REXO5: variants seen among roughly 807,000 people sequenced by gnomAD.
The protein encoded by REXO5 is exonuclease NEF-sp.
REXO5 carries 48 observed loss-of-function variants against 88.5 expected under a neutral mutation model. The observed-to-expected ratio is 0.54, with a 90% CI of 0.43 to 0.69. The LOEUF (loss-of-function observed/expected upper bound fraction) is 0.69. REXO5 is among the 30% of genes least tolerant of loss of function. The pLI, the probability that REXO5 is intolerant of heterozygous loss-of-function variation, is 0.00. For missense variants in REXO5, 749 were observed against 912.2 expected (o/e 0.82, Z 2.30); for synonymous variants, 311 against 336.5 (o/e 0.92, Z 0.83).
intron 13 of REXO5, 69 bp downstream of exon 13, chr16:20,833,192 G>T: frequency 6.8e-7 from 1 of 1,478,388 alleles, no homozygotes; most frequent in Non-Finnish European, 9.1e-7. Context: ...TTGCACCCAT[G>T]CCAGTGTCAA....
At chr16:20,823,621 G>T (rs1374468092) in intron 6 of REXO5, 1 of 152,070 alleles carries the variant, frequency 6.6e-6, no homozygotes, top group Non-Finnish European at 1.5e-5. Flanking sequence ...TTTTCATTGC[G>T]ATTAGTTGGA....
intron 13 of REXO5, among the ~76,000 whole-genome samples, chr16:20,838,483 A>G (rs1048728584): frequency 3.9e-5 from 6 of 152,152 alleles, no homozygotes; most frequent in African/African-American, 1.4e-4. Flanking sequence ...TGTTGTCTTT[A>G]CAGACTGCTT....
At position 20,825,817 on chromosome 16, in the gene REXO5, C is replaced by T. The variant is rs1475925464; in HGVS notation, c.706-16C>T. On this transcript the variant is annotated splice_polypyrimidine_tract_variant and intron_variant, in intron 7 of 19. Transcript: ENST00000261377. ...CTTCCACAGTTCAGCAGCCTGACTA[C>T]ATGTTGGTCTTTCAGTGCCTCACAT... 6.4e-7 allele frequency: 1 copy of T among 1,569,130 alleles called. No individual in the cohort carries two copies. Among genetic ancestry groups the T allele is most frequent in the South Asian group, 1.1e-5 (1 of 89,650 alleles).
intron 15 of REXO5, 98 bp downstream of exon 15, chr16:20,840,566 T>G (rs2081510937): frequency 2.7e-6 from 3 of 1,110,224 alleles, no homozygotes; most frequent in Non-Finnish European, 3.8e-6. Flanking sequence ...TAAAGTAAGC[T>G]TGATTGCTAC....
intron 18 of REXO5, 45 bp downstream of exon 18, chr16:20,845,286 G>A: frequency 6.5e-7 from 1 of 1,529,936 alleles, no homozygotes; most frequent in Non-Finnish European, 8.9e-7. Context: ...GGAGAGTCCT[G>A]CTCAGTGACA....
intron 14 of REXO5, 91 bp from the exon 15 acceptor site, chr16:20,840,240 A>G: frequency 4.3e-6 from 5 of 1,158,248 alleles, no homozygotes; most frequent in Non-Finnish European, 5.9e-6. Context: ...TATCAAAAAA[A>G]TCTTTGGTGA....
intron 9 of REXO5, 61 bp from the exon 10 acceptor site, chr16:20,827,292 A>G (rs573799982): frequency 3.1e-6 from 5 of 1,600,740 alleles, no homozygotes; most frequent in African/African-American, 2.7e-5. Flanking sequence ...CCACCCTGCT[A>G]GCCCACTTGT....
rs567534708 is a variant in REXO5, at chr16:20,812,568, G to T, written c.139-622G>T. Among the ~76,000 whole-genome samples, 5 of 152,156 alleles carry T rather than the reference G, an allele frequency of 3.3e-5. No individual in the cohort carries two copies. In the South Asian group the frequency reaches 1.0e-3, roughly 32 times the overall value. ...TATAAGTTCAAAGCCTTTTTAAAGG[G>T]GTTGGGAGCTTTGCTGAACTCTTGT... On this transcript the variant is annotated intron_variant, in intron 2 of 19. Coordinates refer to ENST00000261377, the MANE Select transcript of REXO5 (RefSeq NM_030941.3).
At chr16:20,832,285 G>A in intron 12 of REXO5, 26 bp downstream of exon 12, 3 of 1,460,386 alleles carry the variant, frequency 2.1e-6, no homozygotes, top group Non-Finnish European at 1.9e-6. Flanking sequence ...TGAAACAAGA[G>A]CAAAGACAAA....
At chr16:20,819,374 T>TCTTC (rs1286241427) in intron 5 of REXO5, among the ~76,000 whole-genome samples, 1 of 151,930 alleles carries the variant, frequency 6.6e-6, no homozygotes, top group African/African-American at 2.4e-5. Flanking sequence ...TTTCTTTCTT[T>TCTTC]CTTCATTTCT....
Position 20,846,339 on chromosome 16 carries a change from G to C in REXO5, c.2243G>C (p.Ser748Thr). The C allele has an allele frequency of 6.2e-7, 1 of 1,609,636 alleles. No homozygotes were observed. The highest frequency in any genetic ancestry group is 8.5e-7 in the Non-Finnish European group (1 of 1,175,990). ...CTCATCCTGCTGCCAGGAACCAAGA[G>C]GTAAGGACTAGAAAGGGTATCCCTT... ...LCLILLPGTK[S>T]THGSLSGLGL... Residue 748 changes from serine (S) to threonine (T), a missense_variant and splice_region_variant, in exon 19 of 20, where the codon AGC (serine) becomes ACC (threonine). Ser to Thr is a moderately conservative substitution (Grantham distance 58). Transcript: ENST00000261377.
chr16:20,839,391 A>C (rs2081490232), intron 13 of REXO5, among the ~76,000 whole-genome samples: 1 of 150,946 alleles, frequency 6.6e-6, no homozygotes, highest in African/African-American at 2.4e-5. Context: ...TTTTAACCAA[A>C]TCTATTAAGC....
chr16:20,824,783 G>A (rs964523994), intron 7 of REXO5, among the ~76,000 whole-genome samples: 1 of 152,160 alleles, frequency 6.6e-6, no homozygotes, highest in Non-Finnish European at 1.5e-5. Context: ...GCTGAGGCGG[G>A]TGGATCATGA....
At position 20,844,853 on chromosome 16, in the gene REXO5, T is replaced by G. The variant is rs1008748886; in HGVS notation, c.1936+8T>G. ...AAAAATACTGTTTCCTGAGTAAGTC[T>G]ATGCTACTGAATGTAGCTTTGGGGA... On this transcript the variant is annotated splice_region_variant and intron_variant, in intron 17 of 19. Coordinates refer to ENST00000261377, the MANE Select transcript of REXO5 (RefSeq NM_030941.3). 5 of 1,609,822 alleles carry G rather than the reference T, an allele frequency of 3.1e-6. No individual in the cohort carries two copies. In the Admixed American group the frequency reaches 5.0e-5, roughly 16 times the overall value.
At chr16:20,847,529 C>T (rs1315880284) in intron 19 of REXO5, among the ~76,000 whole-genome samples, 1 of 151,872 alleles carries the variant, frequency 6.6e-6, no homozygotes, top group Non-Finnish European at 1.5e-5. Flanking sequence ...AAATTCATTT[C>T]CTAGCATAAA....
rs149153488 is a variant in REXO5, at chr16:20,840,864, T to C, written c.1626+396T>C. On this transcript the variant is annotated intron_variant, in intron 15 of 19. Transcript: ENST00000261377. ...GTCAGTTTTCATATGTTGGCTCCCA[T>C]TTCTCAAATACCAGGCCATACGAAA... Among the ~76,000 whole-genome samples, 198 of 152,298 alleles carry C rather than the reference T, an allele frequency of 1.3e-3. 3 individuals are homozygous for C. The East Asian group carries it at 0.036, about 27-fold the overall frequency.
At chr16:20,839,027 A>G (rs1428150860) in intron 13 of REXO5, among the ~76,000 whole-genome samples, 1 of 152,162 alleles carries the variant, frequency 6.6e-6, no homozygotes, top group African/African-American at 2.4e-5. Flanking sequence ...TGGTCCGTAT[A>G]TTGTTGTTAA....
At chr16:20,815,091 T>G in intron 4 of REXO5, 38 bp downstream of exon 4, 2 of 1,589,082 alleles carry the variant, frequency 1.3e-6, no homozygotes, top group Non-Finnish European at 1.7e-6. Flanking sequence ...GCTGAGTCTG[T>G]TTTCCCATTC....
chr16:20,830,180 A>G (rs1951551079), intron 11 of REXO5, among the ~76,000 whole-genome samples: 1 of 151,800 alleles, frequency 6.6e-6, no homozygotes, highest in Non-Finnish European at 1.5e-5. Context: ...ACCAAGGAAT[A>G]TTTATTTTTA....
Sources: gnomAD v4.1 joint callset for allele counts (sites outside exome capture counted in the v4.1 genomes callset) on GRCh38, gnomAD v4.1.1 for gene constraint, MANE v1.5 for transcripts, NCBI Gene and HGNC (gene_info 2026-07-23, HGNC 2026-07-21) for gene names.